The following TENM4 variants were observed in gnomAD, a reference collection of about 807,000 sequenced individuals.
TENM4 encodes teneurin transmembrane protein 4.
TENM4 carries 82 observed loss-of-function variants against 243.3 expected under a neutral mutation model. The ratio of observed to expected loss-of-function variants is 0.34; its 90% CI spans 0.28 to 0.40. The LOEUF (loss-of-function observed/expected upper bound fraction) is 0.40, where lower values mean the gene tolerates loss of function less well. Among genes scored for constraint, TENM4 ranks in the 10% least tolerant of loss-of-function variants. TENM4 has a pLI of 1.00. For missense variants in TENM4, 3,138 were observed against 3,673.3 expected, an observed-to-expected ratio of 0.85 and a Z score of 3.77; for synonymous variants, 1,412 against 1,456.3, an observed-to-expected ratio of 0.97 and a Z score of 0.69.
At chr11:79,372,586 T>A (rs1857809155) in intron 1 of TENM4, among the ~76,000 whole-genome samples, 1 of 152,160 alleles carries the variant, frequency 6.6e-6, no homozygotes, top group Admixed American at 6.5e-5. Context: ...TGTAACAGAA[T>A]CTGGTAGAAC....
intron 1 of TENM4, among the ~76,000 whole-genome samples, chr11:79,375,945 T>C (rs1449298956): frequency 6.6e-6 from 1 of 152,198 alleles, no homozygotes; most frequent in Non-Finnish European, 1.5e-5. Context: ...CTTTCTATCC[T>C]AAGGGCATTG....
chr11:78,900,533 GAGA>G (rs1451843223), intron 7 of TENM4, among the ~76,000 whole-genome samples: 1 of 152,230 alleles, frequency 6.6e-6, no homozygotes, highest in African/African-American at 2.4e-5. Context: ...TGGATATGGA[GAGA>G]AGATGTATAT....
intron 4 of TENM4, among the ~76,000 whole-genome samples, chr11:79,126,703 C>T (rs539821421): frequency 6.6e-6 from 1 of 152,160 alleles, no homozygotes; most frequent in Non-Finnish European, 1.5e-5. Context: ...AGAATCATGG[C>T]CCCTCAATCA....
At chr11:79,424,979 GT>G (rs2135596963) in intron 1 of TENM4, among the ~76,000 whole-genome samples, 1 of 152,244 alleles carries the variant, frequency 6.6e-6, no homozygotes, top group East Asian at 1.9e-4. Context: ...AGAAAGCCTG[GT>G]CTAGTTGTGG....
intron 12 of TENM4, among the ~76,000 whole-genome samples, chr11:78,823,309 T>G (rs540829859): frequency 6.6e-6 from 1 of 152,276 alleles, no homozygotes; most frequent in East Asian, 1.9e-4. Flanking sequence ...CTCGCCCCGT[T>G]CCCACTGCCC....
At chr11:78,704,381 A>T (rs1414794691) in intron 27 of TENM4, among the ~76,000 whole-genome samples, 1 of 151,868 alleles carries the variant, frequency 6.6e-6, no homozygotes, top group African/African-American at 2.4e-5. Context: ...CATCGTCTAT[A>T]AGAGTGTTTT....
At chr11:78,927,372 C>T (rs908799537) in intron 6 of TENM4, among the ~76,000 whole-genome samples, 2 of 152,200 alleles carry the variant, frequency 1.3e-5, no homozygotes, top group Non-Finnish European at 1.5e-5. Flanking sequence ...AAGTAGCTGG[C>T]TCTACTCCAC....
At chr11:79,162,045 C>T (rs1355221643) in intron 3 of TENM4, among the ~76,000 whole-genome samples, 2 of 152,158 alleles carry the variant, frequency 1.3e-5, no homozygotes, top group Admixed American at 1.3e-4. Flanking sequence ...CCCTGTATGG[C>T]CTATGAAGTG....
chr11:79,169,335 C>T (rs1356008493), intron 3 of TENM4, among the ~76,000 whole-genome samples: 2 of 152,176 alleles, frequency 1.3e-5, no homozygotes, highest in Non-Finnish European at 2.9e-5. Context: ...CAGTTGGGAA[C>T]TGACCAGATC....
chr11:79,440,226 C>T lies in TENM4; in HGVS notation c.-321+283G>A, dbSNP rs952987809. Among the ~76,000 whole-genome samples the T allele has an allele frequency of 6.6e-6, 1 of 152,116 alleles. No individual in the cohort carries two copies. Among genetic ancestry groups the T allele is most frequent in the Non-Finnish European group, 1.5e-5 (1 of 68,008 alleles). ...CGCCTCCCTCCCACCCGCTTCCCACCTCCCTGCCCTCCCCCAACCCTTGCT... is the reference window on the plus strand; with the variant it reads ...CGCCTCCCTCCCACCCGCTTCCCACTTCCCTGCCCTCCCCCAACCCTTGCT... On this transcript the variant is annotated intron_variant, in intron 1 of 33. Transcript: ENST00000278550. This position sits in a 1 kb window ranked among gnomAD's most constrained non-coding sequence, Gnocchi z 4.7.
chr11:79,088,275 T>C (rs1243236656), intron 4 of TENM4, among the ~76,000 whole-genome samples: 1 of 152,104 alleles, frequency 6.6e-6, no homozygotes, highest in African/African-American at 2.4e-5. Context: ...CCGGCAATGG[T>C]CCAGATTGTC....
At chr11:79,250,313 C>A (rs1855588225) in intron 2 of TENM4, among the ~76,000 whole-genome samples, 1 of 152,204 alleles carries the variant, frequency 6.6e-6, no homozygotes, top group South Asian at 2.1e-4. Flanking sequence ...TAACAGAGTG[C>A]CTAGAAATTC....
chr11:78,878,232 T>G (rs1040181738), intron 9 of TENM4, among the ~76,000 whole-genome samples: 1 of 152,164 alleles, frequency 6.6e-6, no homozygotes, highest in Admixed American at 6.5e-5. Flanking sequence ...TTTCTTTCCT[T>G]GAACAAACTT....
intron 3 of TENM4, among the ~76,000 whole-genome samples, chr11:79,156,969 T>C (rs1862634743): frequency 6.6e-6 from 1 of 152,140 alleles, no homozygotes; most frequent in Non-Finnish European, 1.5e-5. Context: ...GGACCCTCTC[T>C]CTGATCTCCT....
At chr11:79,090,607 A>G (rs1860922640) in intron 4 of TENM4, among the ~76,000 whole-genome samples, 1 of 152,228 alleles carries the variant, frequency 6.6e-6, no homozygotes, top group Non-Finnish European at 1.5e-5. Flanking sequence ...CCAAAGTTGT[A>G]TAGTCAGTAA....
At chr11:79,116,289 C>T (rs1861618993) in intron 4 of TENM4, among the ~76,000 whole-genome samples, 1 of 152,160 alleles carries the variant, frequency 6.6e-6, no homozygotes, top group Admixed American at 6.5e-5. Flanking sequence ...CTGCCCACTT[C>T]ACAGATGAAG....
intron 2 of TENM4, among the ~76,000 whole-genome samples, chr11:79,256,543 A>G (rs1855703569): frequency 3.3e-5 from 5 of 152,226 alleles, no homozygotes; most frequent in Admixed American, 3.3e-4. Context: ...AAACCAAAGC[A>G]ATCAGTGAGA....
chr11:78,820,542 TA>T (rs1857703573), intron 12 of TENM4, among the ~76,000 whole-genome samples: 1 of 152,212 alleles, frequency 6.6e-6, no homozygotes, highest in Middle Eastern at 3.2e-3. Flanking sequence ...GCTGTGCATG[TA>T]AAGAGGTTGG....
chr11:79,296,981 G>T (rs1856465766), intron 2 of TENM4, among the ~76,000 whole-genome samples: 1 of 152,170 alleles, frequency 6.6e-6, no homozygotes, highest in Non-Finnish European at 1.5e-5. Context: ...AAATACCCTG[G>T]GAAAAACAGT....
Sources: allele counts gnomAD v4.1 joint callset (sites outside exome capture counted in the v4.1 genomes callset), GRCh38; gene constraint gnomAD v4.1.1; non-coding constraint Gnocchi (gnomAD v3.1); transcripts MANE v1.5; gene names NCBI Gene and HGNC (gene_info 2026-07-23, HGNC 2026-07-21).